The following MRPL13 variants were observed in gnomAD, a reference collection of about 807,000 sequenced individuals.
MRPL13 encodes large ribosomal subunit protein uL13m.
A neutral mutation model predicts 29.0 loss-of-function variants in MRPL13; 33 were observed. The observed-to-expected ratio is 1.14, with a 90% CI of 0.86 to 1.52. The LOEUF is 1.52. MRPL13 is among the 40% of genes most tolerant of loss of function. The probability of loss-of-function intolerance (pLI) is 0.00; values close to 1 mark genes in which losing one functional copy is unlikely to be tolerated. For missense variants in MRPL13, 227 were observed against 216.7 expected (o/e 1.05, Z -0.30); for synonymous variants, 77 against 68.4 (o/e 1.13, Z -0.62).
intron 1 of MRPL13, 160 bp downstream of exon 1, chr8:120,444,908 C>T: frequency 1.5e-6 from 1 of 676,308 alleles, no homozygotes; most frequent in Non-Finnish European, 2.5e-6. Context: ...ACATTAAGTG[C>T]TTGCCAGACT....
chr8:120,443,371 A>C, intron 1 of MRPL13, 63 bp from the exon 2 acceptor site: 1 of 1,321,472 alleles, frequency 7.6e-7, no homozygotes, highest in Non-Finnish European at 1.0e-6. Flanking sequence ...TTAAAATGGA[A>C]ATACAGTAAT....
At chr8:120,444,534 C>T (rs919170248) in intron 1 of MRPL13, among the ~76,000 whole-genome samples, 2 of 152,208 alleles carry the variant, frequency 1.3e-5, no homozygotes, top group African/African-American at 2.4e-5. Context: ...TCAACACACT[C>T]CATAGTATTT....
At chr8:120,410,822 C>T (rs7822421) in intron 6 of MRPL13, among the ~76,000 whole-genome samples, 80,099 of 151,334 alleles carry the variant, frequency 0.53, 24,485 homozygotes, top group Non-Finnish European at 0.67. Flanking sequence ...GCTCTTGTCA[C>T]GCAGGCTGGA....
chr8:120,415,567 T>G (rs1812793975), intron 5 of MRPL13: 1 of 152,156 alleles, frequency 6.6e-6, no homozygotes, highest in African/African-American at 2.4e-5. Context: ...TTTATAATAT[T>G]TTAGGCAATT....
chr8:120,413,890 T>G, intron 6 of MRPL13, 101 bp downstream of exon 6: 1 of 1,335,664 alleles, frequency 7.5e-7, no homozygotes, highest in Non-Finnish European at 9.7e-7. Context: ...AGCAAAAAAA[T>G]GAGTTCACTC....
chr8:120,431,947 T>A lies in MRPL13; in HGVS notation c.245+83A>T, dbSNP rs185270410. ...TAAATGCTGATTTTTAAAAATATCTTTTTTCTTTTAAGTAAGAACAACTGT... is the reference window on the plus strand; with the variant it reads ...TAAATGCTGATTTTTAAAAATATCTATTTTCTTTTAAGTAAGAACAACTGT... On this transcript the variant is annotated intron_variant, in intron 3 of 6. Transcript: ENST00000306185. The A allele has an allele frequency of 2.2e-4, 215 of 992,284 alleles. 1 individual carries two copies. The African/African-American group carries it at 3.1e-3, about 14-fold the overall frequency. 61.5% of individuals were successfully genotyped at this position (992,284 alleles called of 1,614,324 possible).
At chr8:120,400,751 A>C (rs1812585773) in intron 6 of MRPL13, among the ~76,000 whole-genome samples, 1 of 150,574 alleles carries the variant, frequency 6.6e-6, no homozygotes, top group Admixed American at 6.6e-5. Flanking sequence ...TAAAAAAAAT[A>C]GACTGCTAGT....
chr8:120,437,073 T>C (rs1182137889), intron 2 of MRPL13, among the ~76,000 whole-genome samples: 1 of 152,178 alleles, frequency 6.6e-6, no homozygotes, highest in Non-Finnish European at 1.5e-5. Context: ...GTATTCTAGA[T>C]ATAGCCTGAA....
chr8:120,429,278 A>G (rs1053620067), intron 3 of MRPL13, among the ~76,000 whole-genome samples: 1 of 152,180 alleles, frequency 6.6e-6, no homozygotes, highest in Non-Finnish European at 1.5e-5. Flanking sequence ...ATTCTCACTT[A>G]TAAGTGGAAG....
At chr8:120,434,873 C>A (rs1234549526) in intron 2 of MRPL13, among the ~76,000 whole-genome samples, 2 of 152,150 alleles carry the variant, frequency 1.3e-5, no homozygotes, top group African/African-American at 2.4e-5. Context: ...GCAAACTCTA[C>A]TTTGTTCTAG....
At chr8:120,416,964 ATCAGG>A (rs1276892935) in intron 5 of MRPL13, among the ~76,000 whole-genome samples, 4 of 152,230 alleles carry the variant, frequency 2.6e-5, no homozygotes, top group African/African-American at 9.6e-5. Context: ...CCAATTCAGG[ATCAGG>A]TCAAGAATCA....
intron 5 of MRPL13, chr8:120,414,542 A>G (rs1812782658): frequency 1.3e-5 from 2 of 152,312 alleles, no homozygotes; most frequent in Admixed American, 1.3e-4. Flanking sequence ...AACTTCTAAG[A>G]ACCAAAAATT....
chr8:120,418,485 A>G (rs780599959), intron 5 of MRPL13, among the ~76,000 whole-genome samples: 13 of 152,102 alleles, frequency 8.5e-5, no homozygotes, highest in South Asian at 2.1e-4. Flanking sequence ...TACCACCAAC[A>G]ATGTATAAGT....
At chr8:120,416,174 C>CACA (rs1812800053) in intron 5 of MRPL13, 1 of 152,142 alleles carries the variant, frequency 6.6e-6, no homozygotes, top group South Asian at 2.1e-4. Flanking sequence ...CCCATGAATG[C>CACA]TAACTAAATG....
chr8:120,410,823 G>A (rs1156915839), intron 6 of MRPL13, among the ~76,000 whole-genome samples: 1 of 150,646 alleles, frequency 6.6e-6, no homozygotes, highest in Non-Finnish European at 1.5e-5. Context: ...CTCTTGTCAC[G>A]CAGGCTGGAG....
At chr8:120,414,817 T>C (rs896384566) in intron 5 of MRPL13, 6 of 152,184 alleles carry the variant, frequency 3.9e-5, no homozygotes, top group African/African-American at 1.4e-4. Context: ...TCTTTATTAA[T>C]TGTATTCCCC....
intron 3 of MRPL13, among the ~76,000 whole-genome samples, chr8:120,427,608 T>G (rs1355152894): frequency 6.6e-6 from 1 of 152,110 alleles, no homozygotes; most frequent in African/African-American, 2.4e-5. Context: ...TACTTAGGAA[T>G]ACAGCTAATT....
intron 6 of MRPL13, among the ~76,000 whole-genome samples, chr8:120,409,922 A>T (rs1300799585): frequency 1.3e-5 from 2 of 152,222 alleles, no homozygotes; most frequent in African/African-American, 4.8e-5. Flanking sequence ...GTATGCTGAA[A>T]CTAGGCCTGA....
intron 1 of MRPL13, 191 bp downstream of exon 1, chr8:120,444,877 G>A: frequency 1.6e-6 from 1 of 631,610 alleles, no homozygotes; most frequent in South Asian, 1.8e-5. Context: ...AAAAGAAGAG[G>A]GGACGAGTAA....
Sources: allele counts gnomAD v4.1 joint callset (sites outside exome capture counted in the v4.1 genomes callset), GRCh38; gene constraint gnomAD v4.1.1; transcripts MANE v1.5; gene names NCBI Gene and HGNC (gene_info 2026-07-23, HGNC 2026-07-21).